The following ABCB7 variants were observed in gnomAD, a reference collection of about 807,000 sequenced individuals.
ABCB7 encodes the protein ATP binding cassette subfamily B member 7.
Under a neutral mutation model 54.4 loss-of-function variants are expected in ABCB7, and 7 were observed. That is an observed-to-expected ratio of 0.13 (90% CI 0.07 to 0.24). The LOEUF is 0.24. Among genes scored for constraint, ABCB7 ranks in the 10% least tolerant of loss-of-function variants. The pLI, the probability that ABCB7 is intolerant of heterozygous loss-of-function variation, is 1.00. For synonymous variants in ABCB7, 218 were observed against 207.1 expected, an observed-to-expected ratio of 1.05 and a Z score of -0.45; for missense variants, 356 against 570.4, an observed-to-expected ratio of 0.62 and a Z score of 3.83.
intron 12 of ABCB7, among the ~76,000 whole-genome samples, chrX:75,067,671 G>A (rs1027358360): frequency 7.3e-5 from 8 of 110,195 alleles, no homozygotes; most frequent in Non-Finnish European, 1.5e-4. Flanking sequence ...TTTTACTAGA[G>A]ACGGGGTTTC....
At chrX:75,076,050 T>C (rs1261719788) in intron 5 of ABCB7, among the ~76,000 whole-genome samples, 1 of 111,727 alleles carries the variant, frequency 9.0e-6, no homozygotes, top group Non-Finnish European at 1.9e-5. Flanking sequence ...CCAAATCTCA[T>C]AGTGTCCTTT....
At chrX:75,152,187 T>C (rs754253066) in intron 1 of ABCB7, among the ~76,000 whole-genome samples, 2 of 112,735 alleles carry the variant, frequency 1.8e-5, no homozygotes, top group South Asian at 7.3e-4. Flanking sequence ...AAAAGGACTA[T>C]GCTTTTAACA....
At chrX:75,135,082 T>G (rs1227347076) in intron 1 of ABCB7, among the ~76,000 whole-genome samples, 2 of 107,589 alleles carry the variant, frequency 1.9e-5, no homozygotes, top group African/African-American at 6.7e-5. Context: ...CTATCTAGAC[T>G]AATAAAGAAA....
At chrX:75,081,281 A>G (rs894838554) in intron 4 of ABCB7, among the ~76,000 whole-genome samples, 3 of 112,197 alleles carry the variant, frequency 2.7e-5, no homozygotes, top group African/African-American at 9.7e-5. Flanking sequence ...CGGAGTAGCC[A>G]TCATAAAAGT....
intron 1 of ABCB7, among the ~76,000 whole-genome samples, chrX:75,127,895 T>C (rs761003909): frequency 2.7e-5 from 3 of 111,886 alleles, no homozygotes; most frequent in East Asian, 5.7e-4. Context: ...TTACAAGGGA[T>C]GTGAAGGACC....
rs1569215724 is a variant in ABCB7 at position 75,060,307 on chromosome X, A to G, written c.1959T>C (p.Asp653=). The change falls in exon 15 of 16, where the codon GAT becomes GAC. Residue 653 remains aspartate, a synonymous_variant. Coordinates refer to ENST00000373394, the MANE Select transcript of ABCB7 (RefSeq NM_001271696.3). ...TEETILGAMK[D]VVKHRTSIFI... is the part of the protein sequence containing the mutation. Reference sequence around the variant, plus strand: ...AAATAGAAGTTCTGTGTTTGACCACATCCTTCATGGCACCAAGAATAGTCT... The same window carrying G: ...AAATAGAAGTTCTGTGTTTGACCACGTCCTTCATGGCACCAAGAATAGTCT... 2 of 1,208,516 alleles carry G rather than the reference A, an allele frequency of 1.7e-6. No homozygotes were observed. Among genetic ancestry groups the G allele is most frequent in the East Asian group, 3.0e-5 (1 of 33,784 alleles).
chrX:75,131,054 T>C (rs1477571748), intron 1 of ABCB7, among the ~76,000 whole-genome samples: 1 of 109,432 alleles, frequency 9.1e-6, no homozygotes, highest in East Asian at 2.9e-4. Flanking sequence ...TTTAAAAACA[T>C]GTAAGTAAAA....
At chrX:75,084,967 C>T (rs2081485498) in intron 4 of ABCB7, among the ~76,000 whole-genome samples, 1 of 112,089 alleles carries the variant, frequency 8.9e-6, no homozygotes, top group Non-Finnish European at 1.9e-5. Flanking sequence ...GACAAAGAAG[C>T]AAAGCAACAG....
intron 1 of ABCB7, among the ~76,000 whole-genome samples, chrX:75,127,514 C>T (rs1038385709): frequency 2.7e-5 from 3 of 111,812 alleles, no homozygotes; most frequent in Non-Finnish European, 3.8e-5. Context: ...CATGGATGCC[C>T]TCTTTCACCA....
chrX:75,088,255 C>T, intron 4 of ABCB7, among the ~76,000 whole-genome samples: 1 of 112,208 alleles, frequency 8.9e-6, no homozygotes, highest in Non-Finnish European at 1.9e-5. Flanking sequence ...TCATCTAATG[C>T]ATTGTGTCTA....
chrX:75,083,948 C>G (rs1346053338), intron 4 of ABCB7, among the ~76,000 whole-genome samples: 1 of 110,992 alleles, frequency 9.0e-6, no homozygotes, highest in African/African-American at 3.3e-5. Flanking sequence ...TGATTATGTT[C>G]TTTATCCTTG....
At chrX:75,139,574 T>C (rs1328216544) in intron 1 of ABCB7, among the ~76,000 whole-genome samples, 1 of 112,013 alleles carries the variant, frequency 8.9e-6, no homozygotes, top group Non-Finnish European at 1.9e-5. Flanking sequence ...TCTGAACTGT[T>C]CTTGAAGTCT....
rs2081413498 is a variant in ABCB7 at position 75,076,717 on chromosome X, T to C, written c.454-63A>G. ...AAATACTTATTTATAAAAGTACAAA[T>C]ATTTACCTTAAATTAGTACTTATGG... On this transcript the variant is annotated intron_variant, in intron 4 of 15. Coordinates refer to ENST00000373394, the MANE Select transcript of ABCB7 (RefSeq NM_001271696.3). 26 of 1,083,574 alleles carry C rather than the reference T, an allele frequency of 2.4e-5. No homozygotes were observed. The South Asian group carries it at 5.1e-4, about 21-fold the overall frequency. 89.3% of individuals were successfully genotyped at this position (1,083,574 alleles called of 1,213,427 possible).
intron 12 of ABCB7, among the ~76,000 whole-genome samples, chrX:75,066,173 C>A (rs989914361): frequency 5.4e-5 from 6 of 111,554 alleles, no homozygotes; most frequent in Non-Finnish European, 1.1e-4. Context: ...TTCAAGTGAG[C>A]ATCCATCTCC....
At position 75,122,861 on chromosome X, in the gene ABCB7, G is replaced by GGTGTGTGTGTGTGTGTGT. The variant is rs58879235; in HGVS notation, c.169-8048_169-8031dup. ...AGTCCTTTGCCCATTTTAAAATTGG[G>GGTGTGTGTGTGTGTGTGT]GTGTGTGTGTGTGTGTGTGTGTGTG... On this transcript the variant is annotated intron_variant, in intron 1 of 15. Coordinates refer to ENST00000373394, the MANE Select transcript of ABCB7 (RefSeq NM_001271696.3). Among the ~76,000 whole-genome samples, 1,660 of 93,089 alleles carry GGTGTGTGTGTGTGTGTGT rather than the reference G, an allele frequency of 0.018. 77 individuals carry two copies. The East Asian group carries it at 0.21, about 12-fold the overall frequency. The allele number at this position is 93,089 out of a possible 115,157, so 80.8% of individuals were successfully genotyped here.
intron 1 of ABCB7, among the ~76,000 whole-genome samples, chrX:75,152,808 C>T (rs1180459554): frequency 9.1e-6 from 1 of 109,747 alleles, no homozygotes; most frequent in South Asian, 4.0e-4. Context: ...CACAGGTGCA[C>T]GTGACCATGC....
chrX:75,152,817 G>T (rs1056511226), intron 1 of ABCB7, among the ~76,000 whole-genome samples: 1 of 109,766 alleles, frequency 9.1e-6, no homozygotes, highest in African/African-American at 3.3e-5. Context: ...ACGTGACCAT[G>T]CCCAGCTGCT....
At chrX:75,105,507 C>G (rs992754388) in intron 3 of ABCB7, among the ~76,000 whole-genome samples, 4 of 111,188 alleles carry the variant, frequency 3.6e-5, no homozygotes, top group Non-Finnish European at 7.6e-5. Flanking sequence ...TGAAAGAAGT[C>G]ATAGATGACA....
chrX:75,154,951 C>T (rs1159355864), intron 1 of ABCB7, among the ~76,000 whole-genome samples: 19 of 112,234 alleles, frequency 1.7e-4, no homozygotes, highest in Admixed American at 7.5e-4. Flanking sequence ...AGTGTCATTC[C>T]CTATTCTCCC....
Sources: gnomAD v4.1 joint callset for allele counts (sites outside exome capture counted in the v4.1 genomes callset) on GRCh38, gnomAD v4.1.1 for gene constraint, MANE v1.5 for transcripts, NCBI Gene and HGNC (gene_info 2026-07-23, HGNC 2026-07-21) for gene names.